Variants in FBLN1 observed in about 807,000 individuals in gnomAD.
The protein encoded by FBLN1 is fibulin 1, also known as fibulin-1.
FBLN1 carries 34 observed loss-of-function variants against 89.7 expected under a neutral mutation model. The ratio of observed to expected loss-of-function variants is 0.38; its 90% CI spans 0.29 to 0.50. FBLN1 has a LOEUF of 0.50. FBLN1 is among the 20% of genes least tolerant of loss of function. FBLN1 has a pLI of 0.92. For synonymous variants in FBLN1, 393 were observed against 391.3 expected, an observed-to-expected ratio of 1.00 and a Z score of -0.05; for missense variants, 777 against 988.1, an observed-to-expected ratio of 0.79 and a Z score of 2.86.
intron 14 of FBLN1, among the ~76,000 whole-genome samples, chr22:45,559,748 A>G (rs956909821): frequency 6.6e-6 from 1 of 152,220 alleles, no homozygotes; most frequent in Non-Finnish European, 1.5e-5. Flanking sequence ...TCAGTGTCCA[A>G]TAGTCCCCAA....
At chr22:45,516,342 G>T (rs2088169588) in intron 1 of FBLN1, among the ~76,000 whole-genome samples, 3 of 152,208 alleles carry the variant, frequency 2.0e-5, no homozygotes, top group Admixed American at 6.5e-5. Context: ...GGGGAGAGCA[G>T]CCTCGCTGTC....
chr22:45,576,996 C>T lies in FBLN1; in HGVS notation c.1860C>T (p.Ala620=). The change falls in exon 16 of 17, where the codon GCC becomes GCT. Residue 620 remains alanine (A), a synonymous_variant. Transcript: ENST00000327858. This position sits in a 1 kb window ranked among gnomAD's most constrained non-coding sequence, Gnocchi z 5.2. ...TRPEEIIFLR[A]ITPPHPASQA... is the part of the protein sequence containing the mutation. ...CTGCAGAGATCATCTTCCTCCGGGCCATCACGCCACCGCATCCTGCCAGCC... is the reference window on the plus strand; with the variant it reads ...CTGCAGAGATCATCTTCCTCCGGGCTATCACGCCACCGCATCCTGCCAGCC... 1.2e-6 allele frequency: 2 copies of T among 1,614,096 alleles called. No individual in the cohort carries two copies. Among genetic ancestry groups the T allele is most frequent in the South Asian group, 1.1e-5 (1 of 91,078 alleles).
intron 8 of FBLN1, among the ~76,000 whole-genome samples, chr22:45,538,574 G>A (rs1436894711): frequency 6.6e-6 from 1 of 152,172 alleles, no homozygotes; most frequent in African/African-American, 2.4e-5. Context: ...AAAAATGACT[G>A]CATCAGCAGA....
intron 14 of FBLN1, among the ~76,000 whole-genome samples, chr22:45,573,300 A>C (rs572190791): frequency 4.9e-4 from 75 of 152,274 alleles, no homozygotes; most frequent in African/African-American, 1.6e-3. Context: ...AAATGGACTT[A>C]AAAGGCAGAG....
rs755118142 is a variant in FBLN1, at chr22:45,574,618, C to T, written c.1805C>T (p.Ser602Leu). The T allele has an allele frequency of 1.5e-5, 24 of 1,614,020 alleles. No homozygotes were observed. The highest frequency in any genetic ancestry group is 1.1e-4 in the East Asian group (5 of 44,886). The change falls in exon 15 of 17, where the codon TCG becomes TTG. Residue 602 changes from serine (S) to leucine (L), a missense_variant. By Grantham distance (145) the Ser-to-Leu change is moderately radical. Coordinates refer to ENST00000327858, the MANE Select transcript of FBLN1 (RefSeq NM_006486.3). This position sits in a 1 kb window ranked among gnomAD's most constrained non-coding sequence, Gnocchi z 4.1. The part of the protein sequence containing the change: ...PVHTISHTVI[S>L]LPTFREFTRP... ...CACACCATCTCCCACACCGTCATCT[C>T]GCTGCCTACCTTCCGCGAGTTCACC... is the stretch of plus-strand genomic sequence containing the variant.
At position 45,556,084 on chromosome 22, in the gene FBLN1, G is replaced by A. The variant is rs868542226; in HGVS notation, c.1697+5469G>A. On this transcript the variant is annotated intron_variant, in intron 14 of 16. Transcript: ENST00000327858. This position sits in a 1 kb window ranked among gnomAD's most constrained non-coding sequence, Gnocchi z 4.6. Reference sequence around the variant, plus strand: ...GATTTTGTCTCACCGCAACCTCCACGTCCCGAGTTCAAGTGATTATCCTGC... The same window carrying A: ...GATTTTGTCTCACCGCAACCTCCACATCCCGAGTTCAAGTGATTATCCTGC... 1.3e-5 allele frequency among the ~76,000 whole-genome samples: 2 copies of A among 152,094 alleles called. No individual in the cohort carries two copies. The highest frequency in any genetic ancestry group is 4.8e-5 in the African/African-American group (2 of 41,410).
intron 2 of FBLN1, among the ~76,000 whole-genome samples, chr22:45,521,650 C>G (rs2088252295): frequency 2.0e-5 from 3 of 152,174 alleles, no homozygotes; most frequent in Non-Finnish European, 4.4e-5. Flanking sequence ...GAGACGGAGC[C>G]CACATAAGGG....
chr22:45,535,174 A>G (rs768437295), intron 7 of FBLN1, 26 bp from the exon 8 acceptor site: 2 of 1,614,008 alleles, frequency 1.2e-6, no homozygotes, highest in Admixed American at 1.7e-5. Context: ...TCTTGCTAAC[A>G]ATTTCCTTTT....
rs1230179464 is a variant in FBLN1 at position 45,574,813 on chromosome 22, GCT to G, written c.1840+163_1840+164del. 1.5e-5 allele frequency among the ~76,000 whole-genome samples: 2 copies of G among 133,592 alleles called. No individual in the cohort carries two copies. The highest frequency in any genetic ancestry group is 8.6e-5 in the Admixed American group (1 of 11,594). The allele number at this position is 133,592 out of a possible 152,430, so 87.6% of individuals were successfully genotyped here. On this transcript the variant is annotated intron_variant, in intron 15 of 16. Coordinates refer to ENST00000327858, the MANE Select transcript of FBLN1 (RefSeq NM_006486.3). This position sits in a 1 kb window ranked among gnomAD's most constrained non-coding sequence, Gnocchi z 4.1. The stretch of plus-strand genomic sequence containing the variant: ...TTTTTTTTTTTTGAGACGGAGTCTC[GCT>G]CTGTCGCCCGGGCTGGAGTGCAGTG...
Position 45,579,689 on chromosome 22 carries a change from G to A in FBLN1, c.1972+2581G>A, listed in dbSNP as rs530873577. On this transcript the variant is annotated intron_variant, in intron 16 of 16. Coordinates refer to ENST00000327858, the MANE Select transcript of FBLN1 (RefSeq NM_006486.3). This position sits in a 1 kb window ranked among gnomAD's most constrained non-coding sequence, Gnocchi z 5.5. ...ATCTCAGGTGGAAGACTGAGACCAG[G>A]GAGGCAAGCCCTGCGTGTTGGGACC... is the stretch of plus-strand genomic sequence containing the variant. Among the ~76,000 whole-genome samples, 8 of 152,302 alleles carry A rather than the reference G, an allele frequency of 5.3e-5. No homozygotes were observed. The South Asian group carries it at 1.7e-3, about 32-fold the overall frequency.
At chr22:45,533,641 G>A in intron 6 of FBLN1, 120 bp from the exon 7 acceptor site, 1 of 1,144,870 alleles carries the variant, frequency 8.7e-7, no homozygotes, top group Non-Finnish European at 1.3e-6. Flanking sequence ...GTGGACCTGA[G>A]CTCAGTTTGC....
Position 45,533,045 on chromosome 22 carries a change from TG to T in FBLN1, c.545-17del, listed in dbSNP as rs757867523. The T allele has an allele frequency of 6.2e-7, 1 of 1,610,852 alleles. No homozygotes were observed. Among genetic ancestry groups the T allele is most frequent in the East Asian group, 2.2e-5 (1 of 44,866 alleles). ...CCTGGGTGCGTCCATCCCTGGCTCATGCACGCTGTGCTTCCAGGAGGCGGGC... is the reference window on the plus strand; with the variant it reads ...CCTGGGTGCGTCCATCCCTGGCTCATCACGCTGTGCTTCCAGGAGGCGGGC... On this transcript the variant is annotated splice_polypyrimidine_tract_variant and intron_variant, in intron 5 of 16. Transcript: ENST00000327858.
intron 16 of FBLN1, among the ~76,000 whole-genome samples, chr22:45,585,799 C>T (rs1297139047): frequency 6.6e-6 from 1 of 152,166 alleles, no homozygotes; most frequent in Non-Finnish European, 1.5e-5. Context: ...ACCTTTTCTG[C>T]TCCCTATGTC....
chr22:45,512,652 G>A (rs967679563), intron 1 of FBLN1, among the ~76,000 whole-genome samples: 3 of 152,210 alleles, frequency 2.0e-5, no homozygotes, highest in Non-Finnish European at 2.9e-5. Context: ...CAGGGATGCG[G>A]GAGGCACAGC....
rs1015628122 is a variant in FBLN1 at position 45,563,285 on chromosome 22, G to A, written c.1698-11226G>A. 9.9e-6 allele frequency: 16 copies of A among 1,613,266 alleles called. No individual in the cohort carries two copies. Among genetic ancestry groups the A allele is most frequent in the East Asian group, 2.2e-5 (1 of 44,880 alleles). On this transcript the variant is annotated intron_variant, in intron 14 of 16. Transcript: ENST00000327858. This position sits in a 1 kb window ranked among gnomAD's most constrained non-coding sequence, Gnocchi z 5.7. Reference sequence around the variant, plus strand: ...GCTCTGAGCACTCGCTTCGCGTCGCGGGGTCTCCCTCCTGTTGCTTTCCTA... The same window carrying A: ...GCTCTGAGCACTCGCTTCGCGTCGCAGGGTCTCCCTCCTGTTGCTTTCCTA...
At chr22:45,595,196 G>T (rs981916681) in intron 16 of FBLN1, among the ~76,000 whole-genome samples, 9 of 152,110 alleles carry the variant, frequency 5.9e-5, no homozygotes, top group Non-Finnish European at 8.8e-5. Flanking sequence ...CGCTGACAGG[G>T]CATGGCCTGG....
rs1602185097 is a variant in FBLN1, at chr22:45,535,146, A to C, written c.785-54A>C. On this transcript the variant is annotated intron_variant, in intron 7 of 16. Transcript: ENST00000327858. Reference sequence around the variant, plus strand: ...TTTCTTGTGATTTTAAAGTGTTGTAAGATGCTTCTGGCAGGACTCTTGCTA... The same window carrying C: ...TTTCTTGTGATTTTAAAGTGTTGTACGATGCTTCTGGCAGGACTCTTGCTA... 1.7e-5 allele frequency: 27 copies of C among 1,607,998 alleles called. No individual in the cohort carries two copies. In the East Asian group the frequency reaches 5.8e-4, roughly 35 times the overall value.
At position 45,556,159 on chromosome 22, in the gene FBLN1, C is replaced by A. The variant is rs909680241; in HGVS notation, c.1697+5544C>A. Among the ~76,000 whole-genome samples the A allele has an allele frequency of 2.6e-5, 4 of 152,154 alleles. No homozygotes were observed. Among genetic ancestry groups the A allele is most frequent in the African/African-American group, 9.7e-5 (4 of 41,448 alleles). ...TACAGGTGTGCACCACCATACCCAGCTAATTTTTCTATTTTAAGTAGAGAT... is the reference window on the plus strand; with the variant it reads ...TACAGGTGTGCACCACCATACCCAGATAATTTTTCTATTTTAAGTAGAGAT... On this transcript the variant is annotated intron_variant, in intron 14 of 16. Transcript: ENST00000327858. The surrounding 1 kb of genome is among the most constrained non-coding windows in gnomAD (Gnocchi z 4.6).
intron 2 of FBLN1, among the ~76,000 whole-genome samples, chr22:45,519,129 G>T (rs753328578): frequency 1.3e-5 from 2 of 152,154 alleles, no homozygotes; most frequent in African/African-American, 4.8e-5. Flanking sequence ...GAGATGATGT[G>T]ACTAAAGAGC....
Sources: allele counts gnomAD v4.1 joint callset (sites outside exome capture counted in the v4.1 genomes callset), GRCh38; gene constraint gnomAD v4.1.1; non-coding constraint Gnocchi (gnomAD v3.1); transcripts MANE v1.5; gene names NCBI Gene and HGNC (gene_info 2026-07-23, HGNC 2026-07-21).